Variants in GTF2A1L observed in about 807,000 individuals in gnomAD.
GTF2A1L encodes general transcription factor IIA subunit 1 like.
A neutral mutation model predicts 49.7 loss-of-function variants in GTF2A1L; 48 were observed. That is an observed-to-expected ratio of 0.97 (90% CI 0.77 to 1.23). The LOEUF is 1.23. Among genes scored for constraint, GTF2A1L ranks in the 50% most tolerant of loss-of-function variants. The pLI, the probability that GTF2A1L is intolerant of heterozygous loss-of-function variation, is 0.00. For synonymous variants in GTF2A1L, 246 were observed against 193.5 expected (o/e 1.27, Z -2.25); for missense variants, 736 against 564.8 (o/e 1.30, Z -3.07).
At position 48,627,860 on chromosome 2, in the gene GTF2A1L, A is replaced by G. The variant is rs932247891; in HGVS notation, c.247+6570A>G. 5.6e-5 allele frequency among the ~76,000 whole-genome samples: 8 copies of G among 142,586 alleles called. 1 individual carries two copies. Among genetic ancestry groups the G allele is most frequent in the African/African-American group, 1.0e-4 (4 of 40,088 alleles). 93.5% of individuals were successfully genotyped at this position (142,586 alleles called of 152,430 possible). On this transcript the variant is annotated intron_variant, in intron 3 of 8. Coordinates refer to ENST00000403751, the MANE Select transcript of GTF2A1L (RefSeq NM_006872.5). ...ATAGTATCCAGTAGTTAGTTTTTCAACCCTTGCCTTCCTCTCACCCTCATC... is the reference window on the plus strand; with the variant it reads ...ATAGTATCCAGTAGTTAGTTTTTCAGCCCTTGCCTTCCTCTCACCCTCATC...
rs1345449090 is a variant in GTF2A1L, at chr2:48,624,784, A to T, written c.247+3494A>T. Among the ~76,000 whole-genome samples the T allele has an allele frequency of 1.4e-5, 2 of 142,154 alleles. 1 individual carries two copies. Among genetic ancestry groups the T allele is most frequent in the Non-Finnish European group, 3.2e-5 (2 of 63,362 alleles). 93.3% of individuals were successfully genotyped at this position (142,154 alleles called of 152,430 possible). On this transcript the variant is annotated intron_variant, in intron 3 of 8. Coordinates refer to ENST00000403751, the MANE Select transcript of GTF2A1L (RefSeq NM_006872.5). ...GTGGTTTTTTTTTTTTAACATATAAATGAGATCATGCAATACTTTTCTTTT... is the reference window on the plus strand; with the variant it reads ...GTGGTTTTTTTTTTTTAACATATAATTGAGATCATGCAATACTTTTCTTTT...
chr2:48,646,937 G>T lies in GTF2A1L; in HGVS notation c.873G>T (p.Val291=). The T allele has an allele frequency of 6.2e-7, 1 of 1,614,158 alleles. No individual in the cohort carries two copies. The highest frequency in any genetic ancestry group is 8.5e-7 in the Non-Finnish European group (1 of 1,180,024). ...TSPHGALHQH[V]TDIQLHILKN... ...CTCATGGGGCTCTCCACCAGCACGTGACTGATATTCAGCTTCATATTCTTA... is the reference window on the plus strand; with the variant it reads ...CTCATGGGGCTCTCCACCAGCACGTTACTGATATTCAGCTTCATATTCTTA... Residue 291 remains valine (V), a synonymous_variant, in exon 6 of 9, where the codon GTG becomes GTT. Coordinates refer to ENST00000403751, the MANE Select transcript of GTF2A1L (RefSeq NM_006872.5).
At chr2:48,642,686 C>G (rs2104176845) in intron 4 of GTF2A1L, among the ~76,000 whole-genome samples, 1 of 152,272 alleles carries the variant, frequency 6.6e-6, no homozygotes, top group East Asian at 1.9e-4. Flanking sequence ...AAAACCCTGT[C>G]TCTACTAAAA....
intron 8 of GTF2A1L, among the ~76,000 whole-genome samples, chr2:48,672,214 A>G (rs1679207814): frequency 6.6e-6 from 1 of 152,228 alleles, no homozygotes. Flanking sequence ...CATCAGATAG[A>G]ATAGCCCAAT....
chr2:48,647,656 G>C (rs188292212), intron 6 of GTF2A1L, among the ~76,000 whole-genome samples: 21 of 151,600 alleles, frequency 1.4e-4, no homozygotes, highest in African/African-American at 4.9e-4. Context: ...GAGGGATTAT[G>C]TTGCTAGTAA....
chr2:48,642,564 A>T (rs1677257675), intron 4 of GTF2A1L, 107 bp downstream of exon 4: 1 of 1,140,868 alleles, frequency 8.8e-7, no homozygotes, highest in African/African-American at 1.6e-5. Context: ...GTTGAAAGTG[A>T]AAAGATGTGG....
Position 48,647,060 on chromosome 2 carries a change from A to T in GTF2A1L, c.978+18A>T, listed in dbSNP as rs781592988. ...CAGAGAAGGTATAGTTCTGTGTCCA[A>T]CTTCTTGGTATCAGGGGACAGATAG... is the stretch of plus-strand genomic sequence containing the variant. On this transcript the variant is annotated intron_variant, in intron 6 of 8. Transcript: ENST00000403751. 3.2e-6 allele frequency: 5 copies of T among 1,556,242 alleles called. No homozygotes were observed. The highest frequency in any genetic ancestry group is 2.3e-5 in the East Asian group (1 of 44,200).
rs1479957582 is a variant in GTF2A1L, at chr2:48,676,230, T to A, written c.1330-3105T>A. Among the ~76,000 whole-genome samples the A allele has an allele frequency of 3.3e-5, 5 of 152,034 alleles. No individual in the cohort carries two copies. In the East Asian group the frequency reaches 9.6e-4, roughly 29 times the overall value. On this transcript the variant is annotated intron_variant, in intron 8 of 8. Transcript: ENST00000403751. ...TTTTAATGGCTGTATAATATCCTAT[T>A]GTAGGATTACTAAAATTCATTTAAC...
At chr2:48,619,830 T>C (rs148380932) in intron 1 of GTF2A1L, among the ~76,000 whole-genome samples, 58 of 152,346 alleles carry the variant, frequency 3.8e-4, no homozygotes, top group African/African-American at 1.3e-3. Flanking sequence ...TGGGTAGAAA[T>C]CTGCTTAATT....
chr2:48,652,431 CGTG>C (rs1318473368), intron 6 of GTF2A1L, among the ~76,000 whole-genome samples: 1 of 151,802 alleles, frequency 6.6e-6, no homozygotes, highest in Non-Finnish European at 1.5e-5. Flanking sequence ...GCCTGGTCAA[CGTG>C]GTGAAAACTC....
chr2:48,648,809 AAC>A (rs1209585656), intron 6 of GTF2A1L, among the ~76,000 whole-genome samples: 1 of 152,154 alleles, frequency 6.6e-6, no homozygotes, highest in African/African-American at 2.4e-5. Flanking sequence ...GTCTATGTCT[AAC>A]ACACAAAATC....
chr2:48,623,524 A>G (rs1299831137), intron 3 of GTF2A1L, among the ~76,000 whole-genome samples: 4 of 152,212 alleles, frequency 2.6e-5, no homozygotes, highest in Non-Finnish European at 4.4e-5. Context: ...AGATTTCTCA[A>G]CTTAGAGCTA....
intron 3 of GTF2A1L, chr2:48,632,300 T>C (rs1676624932): frequency 6.6e-6 from 1 of 152,168 alleles, no homozygotes; most frequent in Non-Finnish European, 1.5e-5. Context: ...ATAGGATGGA[T>C]TTAGCATAAA....
At chr2:48,623,314 T>A (rs1490038881) in intron 3 of GTF2A1L, among the ~76,000 whole-genome samples, 1 of 152,200 alleles carries the variant, frequency 6.6e-6, no homozygotes, top group Admixed American at 6.5e-5. Context: ...TACAATTCAA[T>A]AAGTCATTTG....
chr2:48,675,248 G>T (rs937079554), intron 8 of GTF2A1L, among the ~76,000 whole-genome samples: 1 of 152,130 alleles, frequency 6.6e-6, no homozygotes, highest in Non-Finnish European at 1.5e-5. Flanking sequence ...GGTAGTATCA[G>T]TTCCTCTGGG....
intron 6 of GTF2A1L, among the ~76,000 whole-genome samples, chr2:48,663,654 A>G (rs1314394231): frequency 2.0e-5 from 3 of 152,122 alleles, no homozygotes; most frequent in Non-Finnish European, 4.4e-5. Flanking sequence ...TTATTTTTAT[A>G]TTTTGAGACA....
chr2:48,648,779 G>C (rs1343737324), intron 6 of GTF2A1L, among the ~76,000 whole-genome samples: 4 of 152,012 alleles, frequency 2.6e-5, no homozygotes, highest in Non-Finnish European at 5.9e-5. Context: ...CATGTAACTT[G>C]TTTGTTAGTT....
At chr2:48,652,046 G>A (rs1235559435) in intron 6 of GTF2A1L, among the ~76,000 whole-genome samples, 2 of 152,148 alleles carry the variant, frequency 1.3e-5, no homozygotes, top group African/African-American at 4.8e-5. Context: ...ATGCCTGGTG[G>A]AAGTGCTTCT....
chr2:48,668,128 A>G (rs767671242), intron 6 of GTF2A1L, among the ~76,000 whole-genome samples: 3 of 152,138 alleles, frequency 2.0e-5, no homozygotes, highest in Admixed American at 1.3e-4. Flanking sequence ...GGTACCTCAT[A>G]TAAGTGGAAT....
Sources: allele counts gnomAD v4.1 joint callset (sites outside exome capture counted in the v4.1 genomes callset), GRCh38; gene constraint gnomAD v4.1.1; transcripts MANE v1.5; gene names NCBI Gene and HGNC (gene_info 2026-07-23, HGNC 2026-07-21).